FBXW4: variants seen among roughly 807,000 people sequenced by gnomAD.
The protein encoded by FBXW4 is F-box/WD repeat-containing protein 4.
In FBXW4, 40 loss-of-function variants were observed where a neutral mutation model predicts 61.8. The ratio of observed to expected loss-of-function variants is 0.65; its 90% CI spans 0.50 to 0.84. FBXW4 has a LOEUF of 0.84. Ranked by LOEUF, FBXW4 falls within the 40% of genes least tolerant of loss-of-function variation. The pLI is 0.00. For synonymous variants in FBXW4, 311 were observed against 313.8 expected (o/e 0.99, Z 0.10); for missense variants, 672 against 753.8 (o/e 0.89, Z 1.27).
intron 1 of FBXW4, among the ~76,000 whole-genome samples, chr10:101,678,164 A>G: frequency 6.6e-6 from 1 of 152,228 alleles, no homozygotes. Flanking sequence ...AGAGCACACA[A>G]GCTACAGGAA....
At chr10:101,663,242 T>A (rs540510666) in intron 5 of FBXW4, among the ~76,000 whole-genome samples, 52 of 152,142 alleles carry the variant, frequency 3.4e-4, no homozygotes, top group Non-Finnish European at 6.2e-4. Flanking sequence ...GCACTTAGTA[T>A]AATCTGGCAA....
chr10:101,658,223 A>G (rs2064207836), intron 5 of FBXW4, among the ~76,000 whole-genome samples: 1 of 152,108 alleles, frequency 6.6e-6, no homozygotes, highest in South Asian at 2.1e-4. Context: ...GTACATAGAA[A>G]GGGAGAGGGA....
chr10:101,646,302 C>T (rs1267763443), intron 5 of FBXW4, among the ~76,000 whole-genome samples: 1 of 152,204 alleles, frequency 6.6e-6, no homozygotes, highest in Non-Finnish European at 1.5e-5. Flanking sequence ...TCTGAGCCAA[C>T]CAGGGGCCTT....
intron 5 of FBXW4, among the ~76,000 whole-genome samples, chr10:101,654,207 C>T (rs2064167540): frequency 6.6e-6 from 1 of 150,980 alleles, no homozygotes; most frequent in Non-Finnish European, 1.5e-5. Context: ...CAAAAAAGGT[C>T]CCAAGCATGA....
intron 1 of FBXW4, among the ~76,000 whole-genome samples, chr10:101,690,770 C>T (rs1292228987): frequency 6.6e-6 from 1 of 152,172 alleles, no homozygotes; most frequent in Non-Finnish European, 1.5e-5. Context: ...CATAAGTCCA[C>T]AGGTTCTGCT....
intron 1 of FBXW4, among the ~76,000 whole-genome samples, chr10:101,692,314 A>G (rs189627850): frequency 6.0e-4 from 91 of 150,426 alleles, no homozygotes; most frequent in African/African-American, 2.0e-3. Flanking sequence ...TATATTATAT[A>G]TAATATATAT....
At position 101,654,797 on chromosome 10, in the gene FBXW4, C is replaced by G. The variant is rs11191077; in HGVS notation, c.1235+13089G>C. Reference sequence around the variant, plus strand: ...TAGTATAAAATATTTTATCAGAACCCTACTCATGGATATTTATGGTTTCTT... The same window carrying G: ...TAGTATAAAATATTTTATCAGAACCGTACTCATGGATATTTATGGTTTCTT... On this transcript the variant is annotated intron_variant, in intron 5 of 8. Transcript: ENST00000331272. Among the ~76,000 whole-genome samples the G allele has an allele frequency of 6.2e-4, 95 of 152,210 alleles. No individual in the cohort carries two copies. The East Asian group carries it at 0.017, about 27-fold the overall frequency.
chr10:101,630,194 G>A (rs909047932), intron 5 of FBXW4, among the ~76,000 whole-genome samples: 3 of 152,194 alleles, frequency 2.0e-5, no homozygotes, highest in East Asian at 3.8e-4. Flanking sequence ...GCACTGACAC[G>A]AGATACAAAG....
At chr10:101,673,076 A>G in intron 3 of FBXW4, 29 bp from the exon 4 acceptor site, 6 of 1,601,460 alleles carry the variant, frequency 3.7e-6, no homozygotes, top group Admixed American at 3.6e-5. Flanking sequence ...GCCGACCCCC[A>G]AGAACCAATT....
intron 1 of FBXW4, 39 bp from the exon 2 acceptor site, chr10:101,676,475 T>C (rs1279021648): frequency 6.5e-7 from 1 of 1,545,662 alleles, no homozygotes; most frequent in Admixed American, 1.7e-5. Context: ...TCACTACAAC[T>C]TATTGCCAAC....
In FBXW4 at chr10:101,611,081, C is replaced by G. The variant is rs1270309820; in HGVS notation, c.*210G>C. 1.8e-5 allele frequency: 10 copies of G among 570,584 alleles called. No individual in the cohort carries two copies. The highest frequency in any genetic ancestry group is 3.0e-5 in the Non-Finnish European group (10 of 334,656). 35.3% of individuals were successfully genotyped at this position (570,584 alleles called of 1,614,324 possible). A position where few individuals can be genotyped will look rare whatever the true frequency, so the allele number is the denominator to read the frequency against. ...CACTCTAAAGCAGCAGGTCCTGCCTCTCCAACAGGTTCCTGGGAGGGACTG... is the reference window on the plus strand; with the variant it reads ...CACTCTAAAGCAGCAGGTCCTGCCTGTCCAACAGGTTCCTGGGAGGGACTG... On this transcript the variant is annotated 3_prime_UTR_variant, in exon 9 of 9. Coordinates refer to ENST00000331272, the MANE Select transcript of FBXW4 (RefSeq NM_022039.4). This position sits in a 1 kb window ranked among gnomAD's most constrained non-coding sequence, Gnocchi z 4.9.
In FBXW4 at chr10:101,659,449, T is replaced by C. The variant is rs1357683574; in HGVS notation, c.1235+8437A>G. 3 of 985,066 alleles carry C rather than the reference T, an allele frequency of 3.0e-6. No homozygotes were observed. The African/African-American group carries it at 5.2e-5, about 17-fold the overall frequency. 61.0% of individuals were successfully genotyped at this position (985,066 alleles called of 1,614,324 possible). A position where few individuals can be genotyped will look rare whatever the true frequency, so the allele number is the denominator to read the frequency against. ...GAACAGAAAGAGAGAAAGGTCCCAA[T>C]GCTCCTCTCTTCACTGTCCAGAGAA... On this transcript the variant is annotated intron_variant, in intron 5 of 8. Transcript: ENST00000331272.
chr10:101,638,023 C>T (rs986853601), intron 5 of FBXW4, among the ~76,000 whole-genome samples: 37 of 152,084 alleles, frequency 2.4e-4, no homozygotes, highest in African/African-American at 7.7e-4. Flanking sequence ...GAACCTGATA[C>T]GGTCTAACTG....
rs542548222 is a variant in FBXW4, at chr10:101,620,221, C to T, written c.1301+4524G>A. On this transcript the variant is annotated intron_variant, in intron 6 of 8. Transcript: ENST00000331272. ...AATGCTGCTCCACCTCTCGGATTGGCCTGTCAGTCAGGCTTTGGTGTTACT... is the reference window on the plus strand; with the variant it reads ...AATGCTGCTCCACCTCTCGGATTGGTCTGTCAGTCAGGCTTTGGTGTTACT... 2.6e-5 allele frequency among the ~76,000 whole-genome samples: 4 copies of T among 152,378 alleles called. No individual in the cohort carries two copies. In the South Asian group the frequency reaches 8.3e-4, roughly 32 times the overall value.
chr10:101,619,972 C>T (rs532171105), intron 6 of FBXW4, among the ~76,000 whole-genome samples: 20 of 152,120 alleles, frequency 1.3e-4, no homozygotes, highest in Non-Finnish European at 2.5e-4. Context: ...GCGCTGGTGC[C>T]CAGTGGGTGG....
chr10:101,689,141 A>AC (rs1172540017), intron 1 of FBXW4, among the ~76,000 whole-genome samples: 1 of 151,726 alleles, frequency 6.6e-6, no homozygotes, highest in Non-Finnish European at 1.5e-5. Flanking sequence ...GTGCAAAAAA[A>AC]AAAAATGAAA....
At chr10:101,638,327 T>C (rs1416161154) in intron 5 of FBXW4, among the ~76,000 whole-genome samples, 1 of 151,994 alleles carries the variant, frequency 6.6e-6, no homozygotes, top group Non-Finnish European at 1.5e-5. Flanking sequence ...CCAAGCCTCG[T>C]AGGGAGATGA....
intron 6 of FBXW4, among the ~76,000 whole-genome samples, chr10:101,614,971 C>T (rs762984636): frequency 6.6e-6 from 1 of 152,112 alleles, no homozygotes; most frequent in Non-Finnish European, 1.5e-5. Context: ...GAGATTGGCC[C>T]GACAATAGCC....
intron 2 of FBXW4, among the ~76,000 whole-genome samples, chr10:101,675,805 T>C (rs796596394): frequency 6.6e-6 from 1 of 152,242 alleles, no homozygotes; most frequent in South Asian, 2.1e-4. Context: ...ACAGGCATTT[T>C]CTAAATTTCC....
Sources: allele counts gnomAD v4.1 joint callset (sites outside exome capture counted in the v4.1 genomes callset), GRCh38; gene constraint gnomAD v4.1.1; non-coding constraint Gnocchi (gnomAD v3.1); transcripts MANE v1.5; gene names NCBI Gene and HGNC (gene_info 2026-07-23, HGNC 2026-07-21).